The following NOL4 variants were observed in gnomAD, a reference collection of about 807,000 sequenced individuals.
NOL4 encodes nucleolar protein 4, also known as cancer/testis antigen 125.
In NOL4, 17 loss-of-function variants were observed where a neutral mutation model predicts 75.9. The observed-to-expected ratio is 0.22, with a 90% CI of 0.15 to 0.34. NOL4 has a LOEUF of 0.34. Among genes scored for constraint, NOL4 ranks in the 10% least tolerant of loss-of-function variants. NOL4 has a pLI of 1.00. For synonymous variants in NOL4, 292 were observed against 289.9 expected (o/e 1.01, Z -0.07); for missense variants, 614 against 793.5 (o/e 0.77, Z 2.72).
At chr18:33,995,320 GACT>G (rs2073198730) in intron 6 of NOL4, among the ~76,000 whole-genome samples, 1 of 151,560 alleles carries the variant, frequency 6.6e-6, no homozygotes, top group African/African-American at 2.4e-5. Flanking sequence ...GAAAACTAAA[GACT>G]ACTATTTTTT....
intron 1 of NOL4, among the ~76,000 whole-genome samples, chr18:34,169,966 T>A (rs1055604017): frequency 6.6e-6 from 1 of 152,226 alleles, no homozygotes; most frequent in East Asian, 1.9e-4. Flanking sequence ...ACTTTGTATA[T>A]GCTGTTCTGT....
intron 10 of NOL4, among the ~76,000 whole-genome samples, chr18:33,872,736 A>G (rs1393683496): frequency 6.6e-6 from 1 of 152,006 alleles, no homozygotes; most frequent in East Asian, 1.9e-4. Flanking sequence ...CTAAATTATG[A>G]ATTTTGTTTA....
intron 9 of NOL4, among the ~76,000 whole-genome samples, chr18:33,930,159 G>C (rs997583988): frequency 6.6e-6 from 1 of 152,008 alleles, no homozygotes; most frequent in African/African-American, 2.4e-5. Flanking sequence ...GTCCATTGTA[G>C]ATATTTACTG....
At chr18:34,127,251 A>C (rs956774160) in intron 2 of NOL4, among the ~76,000 whole-genome samples, 7 of 151,956 alleles carry the variant, frequency 4.6e-5, no homozygotes, top group Non-Finnish European at 2.9e-5. Context: ...TCCAACATTA[A>C]AGGACCACCA....
intron 10 of NOL4, among the ~76,000 whole-genome samples, chr18:33,876,660 T>C (rs2063947148): frequency 6.6e-6 from 1 of 152,100 alleles, no homozygotes. Flanking sequence ...GAAGAAATGA[T>C]AGATATGATA....
chr18:33,866,959 C>CA, intron 10 of NOL4, among the ~76,000 whole-genome samples: 1 of 152,110 alleles, frequency 6.6e-6, no homozygotes, highest in Admixed American at 6.6e-5. Context: ...CCTATGAGGT[C>CA]AAAAATATCA....
intron 5 of NOL4, among the ~76,000 whole-genome samples, chr18:34,044,316 A>G (rs1435262531): frequency 6.6e-6 from 1 of 152,042 alleles, no homozygotes; most frequent in Non-Finnish European, 1.5e-5. Context: ...ATCTTTAACT[A>G]ATTGGATAAT....
chr18:34,110,133 A>G (rs1260023254), intron 2 of NOL4, among the ~76,000 whole-genome samples: 1 of 46,156 alleles, frequency 2.2e-5, no homozygotes, highest in Admixed American at 1.9e-4. Flanking sequence ...TCCCACAAAA[A>G]AAAAAAAAAA....
chr18:34,217,529 C>T (rs898443851), intron 1 of NOL4, among the ~76,000 whole-genome samples: 3 of 152,042 alleles, frequency 2.0e-5, no homozygotes, highest in Non-Finnish European at 2.9e-5. Flanking sequence ...TCAGGCAATC[C>T]GCCTGCCTCA....
At chr18:33,979,473 C>T (rs2071768691) in intron 6 of NOL4, among the ~76,000 whole-genome samples, 1 of 151,930 alleles carries the variant, frequency 6.6e-6, no homozygotes, top group African/African-American at 2.4e-5. Context: ...TATTCTACCT[C>T]TAGTTAAGTG....
At position 34,190,072 on chromosome 18, in the gene NOL4, A is replaced by G. The variant is rs1430125510; in HGVS notation, c.264+32918T>C. On this transcript the variant is annotated intron_variant, in intron 1 of 10. Coordinates refer to ENST00000261592, the MANE Select transcript of NOL4 (RefSeq NM_003787.5). ...TTACTTATTTTATATCTACATATAC[A>G]TACACACACACACACGCATATATAT... is the stretch of plus-strand genomic sequence containing the variant. Among the ~76,000 whole-genome samples, 5 of 134,356 alleles carry G rather than the reference A, an allele frequency of 3.7e-5. No homozygotes were observed. The South Asian group carries it at 9.4e-4, about 25-fold the overall frequency. The allele number at this position is 134,356 out of a possible 152,430, so 88.1% of individuals were successfully genotyped here. A position where few individuals can be genotyped will look rare whatever the true frequency, so the allele number is the denominator to read the frequency against.
intron 9 of NOL4, among the ~76,000 whole-genome samples, chr18:33,898,756 T>C (rs1023296955): frequency 6.6e-6 from 1 of 152,208 alleles, no homozygotes; most frequent in Non-Finnish European, 1.5e-5. Flanking sequence ...TATTCACTTA[T>C]GTTGATTGAT....
chr18:33,932,225 T>C (rs2067741019), intron 9 of NOL4, among the ~76,000 whole-genome samples: 1 of 152,076 alleles, frequency 6.6e-6, no homozygotes, highest in South Asian at 2.1e-4. Flanking sequence ...TTTATATATA[T>C]TTTTTAATTG....
rs1599959626 is a variant in NOL4, at chr18:33,943,107, C to T, written c.1500G>A (p.Glu500=). The change falls in exon 9 of 11, where the codon GAG becomes GAA. Residue 500 remains glutamate (E), a synonymous_variant. Transcript: ENST00000261592. The part of the protein sequence containing the change: ...ESILASACES[E]SRNAAKRMRL... ...GCATCCTCTTGGCGGCATTTCTACT[C>T]TCACTCTCACAAGCTGAAGCCAAGA... 6.2e-7 allele frequency: 1 copy of T among 1,611,704 alleles called. No individual in the cohort carries two copies. The highest frequency in any genetic ancestry group is 1.3e-5 in the African/African-American group (1 of 74,772).
At chr18:34,051,728 G>A (rs2076632196) in intron 5 of NOL4, among the ~76,000 whole-genome samples, 1 of 151,980 alleles carries the variant, frequency 6.6e-6, no homozygotes, top group Non-Finnish European at 1.5e-5. Context: ...GTATGATAGT[G>A]AACCAAACAG....
chr18:33,965,741 G>T (rs1256823975), intron 6 of NOL4, among the ~76,000 whole-genome samples: 2 of 152,104 alleles, frequency 1.3e-5, no homozygotes, highest in African/African-American at 4.8e-5. Context: ...CACCAGGATT[G>T]TAAGTTTCCT....
At chr18:33,923,030 T>C (rs1341486536) in intron 9 of NOL4, among the ~76,000 whole-genome samples, 2 of 152,198 alleles carry the variant, frequency 1.3e-5, no homozygotes, top group Non-Finnish European at 2.9e-5. Flanking sequence ...TCATACTGTA[T>C]ATATATTTTA....
intron 6 of NOL4, among the ~76,000 whole-genome samples, chr18:34,013,137 C>T (rs1469682462): frequency 3.9e-5 from 6 of 152,028 alleles, no homozygotes; most frequent in African/African-American, 1.4e-4. Flanking sequence ...AAGCATTACA[C>T]AATATTCATC....
intron 2 of NOL4, among the ~76,000 whole-genome samples, chr18:34,122,726 C>T (rs968309913): frequency 3.9e-5 from 6 of 152,154 alleles, no homozygotes; most frequent in Non-Finnish European, 7.4e-5. Flanking sequence ...CCATGTCTTA[C>T]ATCTCCTTGC....
Sources: gnomAD v4.1 joint callset for allele counts (sites outside exome capture counted in the v4.1 genomes callset) on GRCh38, gnomAD v4.1.1 for gene constraint, MANE v1.5 for transcripts, NCBI Gene and HGNC (gene_info 2026-07-23, HGNC 2026-07-21) for gene names.